TGFBR2: variants seen among roughly 807,000 people sequenced by gnomAD.
The protein encoded by TGFBR2 is transforming growth factor beta receptor 2.
TGFBR2 carries 18 observed loss-of-function variants against 49.0 expected under a neutral mutation model. The ratio of observed to expected loss-of-function variants is 0.37; its 90% CI spans 0.25 to 0.54. TGFBR2 has a LOEUF of 0.54. TGFBR2 is among the 20% of genes least tolerant of loss of function. The pLI is 0.85. For missense variants in TGFBR2, 525 were observed against 722.6 expected, an observed-to-expected ratio of 0.73 and a Z score of 3.13; for synonymous variants, 282 against 275.9, an observed-to-expected ratio of 1.02 and a Z score of -0.22.
chr3:30,682,463 G>T (rs1276149531), intron 5 of TGFBR2, among the ~76,000 whole-genome samples: 2 of 152,116 alleles, frequency 1.3e-5, no homozygotes, highest in African/African-American at 4.8e-5. Flanking sequence ...TTATAGGTTA[G>T]CCAGGTGTAA....
At chr3:30,628,094 A>C (rs1272981130) in intron 1 of TGFBR2, among the ~76,000 whole-genome samples, 1 of 144,422 alleles carries the variant, frequency 6.9e-6, no homozygotes, top group Admixed American at 7.1e-5. Context: ...ACTTTATTGT[A>C]GGAGGATGCA....
At chr3:30,629,682 A>G (rs1698400332) in intron 1 of TGFBR2, among the ~76,000 whole-genome samples, 1 of 152,218 alleles carries the variant, frequency 6.6e-6, no homozygotes, top group African/African-American at 2.4e-5. Flanking sequence ...TTTATAGAGT[A>G]CCAACCACCG....
At chr3:30,636,155 ATG>A (rs61296907) in intron 1 of TGFBR2, among the ~76,000 whole-genome samples, 18,092 of 134,406 alleles carry the variant, frequency 0.13, 1,057 homozygotes, top group Middle Eastern at 0.15. Flanking sequence ...ATATATATGT[ATG>A]TGTGTGTGTG....
chr3:30,677,883 C>T (rs1000081419), intron 5 of TGFBR2, among the ~76,000 whole-genome samples: 2 of 152,138 alleles, frequency 1.3e-5, no homozygotes, highest in African/African-American at 4.8e-5. Context: ...TGTTTCTTAT[C>T]TTACAAATTA....
chr3:30,607,185 A>G (rs117053869), intron 1 of TGFBR2, among the ~76,000 whole-genome samples: 1,840 of 152,278 alleles, frequency 0.012, 24 homozygotes, highest in South Asian at 0.051. Flanking sequence ...TTCAGTTGCA[A>G]GGGGCGCGGG....
Position 30,688,432 on chromosome 3 carries a change from C to G in TGFBR2, c.1445C>G (p.Pro482Arg), listed in dbSNP as rs2125451808. Reference protein sequence around the residue: ...PPFGSKVREHPCVESMKDNVL... With the variant: ...PPFGSKVREHRCVESMKDNVL... ...TTTGGTTCCAAGGTGCGGGAGCACC[C>G]CTGTGTCGAAAGCATGAAGGACAAC... The change falls in exon 6 of 7, where the codon CCC becomes CGC. Residue 482 changes from proline to arginine, a missense_variant. Physicochemically the swap from Pro to Arg is moderately radical, Grantham distance 103. This residue lies in a region of TGFBR2 where 104 missense variants were observed against 133.4 expected (regional missense o/e 0.78). Transcript: ENST00000295754. 1 of 1,614,194 alleles carries G rather than the reference C, an allele frequency of 6.2e-7. No homozygotes were observed.
Position 30,639,441 on chromosome 3 carries a change from C to T in TGFBR2, c.95-5306C>T, listed in dbSNP as rs149814720. On this transcript the variant is annotated intron_variant, in intron 1 of 6. Coordinates refer to ENST00000295754, the MANE Select transcript of TGFBR2 (RefSeq NM_003242.6). ...GCTGAGGTTTCTGAGAGAAAAAATA[C>T]TGCCTCAAAACTGCAGCATTGATTT... Among the ~76,000 whole-genome samples, 792 of 152,360 alleles carry T rather than the reference C, an allele frequency of 5.2e-3. 11 individuals carry two copies. Among genetic ancestry groups the T allele is most frequent in the African/African-American group, 0.018 (750 of 41,590 alleles).
At chr3:30,670,286 T>C (rs555910544) in intron 3 of TGFBR2, among the ~76,000 whole-genome samples, 1 of 152,312 alleles carries the variant, frequency 6.6e-6, no homozygotes, top group South Asian at 2.1e-4. Flanking sequence ...TCCACTAATA[T>C]ATAGATTACA....
At chr3:30,621,809 T>G (rs1698236600) in intron 1 of TGFBR2, among the ~76,000 whole-genome samples, 1 of 152,212 alleles carries the variant, frequency 6.6e-6, no homozygotes. Context: ...GAGTATTGGT[T>G]GTTATCAGTT....
intron 2 of TGFBR2, among the ~76,000 whole-genome samples, 192 bp from the exon 3 acceptor site, chr3:30,650,078 G>T (rs1478209957): frequency 6.6e-6 from 1 of 152,112 alleles, no homozygotes; most frequent in Non-Finnish European, 1.5e-5. Flanking sequence ...AAACAGAAAA[G>T]AGTAGAAAAG....
At chr3:30,684,265 A>G (rs1033649269) in intron 5 of TGFBR2, among the ~76,000 whole-genome samples, 13 of 147,296 alleles carry the variant, frequency 8.8e-5, no homozygotes, top group African/African-American at 2.8e-4. Flanking sequence ...AGGGCATGAG[A>G]AAAAAAAAAA....
chr3:30,656,250 T>C (rs943015439), intron 3 of TGFBR2, among the ~76,000 whole-genome samples: 1 of 152,246 alleles, frequency 6.6e-6, no homozygotes, highest in African/African-American at 2.4e-5. Flanking sequence ...GACAATAGTT[T>C]ATTTTTTAAA....
At chr3:30,665,899 A>C (rs947390777) in intron 3 of TGFBR2, among the ~76,000 whole-genome samples, 1 of 152,216 alleles carries the variant, frequency 6.6e-6, no homozygotes, top group Non-Finnish European at 1.5e-5. Context: ...ACAATGACCA[A>C]ATATTTTAAA....
chr3:30,640,641 A>G (rs1161457357), intron 1 of TGFBR2, among the ~76,000 whole-genome samples: 1 of 145,626 alleles, frequency 6.9e-6, no homozygotes, highest in Non-Finnish European at 1.5e-5. Flanking sequence ...CAGTACAGCC[A>G]CAATCATCAA....
chr3:30,653,975 G>T (rs193130081), intron 3 of TGFBR2, among the ~76,000 whole-genome samples: 2 of 152,104 alleles, frequency 1.3e-5, no homozygotes, highest in Non-Finnish European at 2.9e-5. Flanking sequence ...ACAACTAGTG[G>T]GTATCAAAGC....
intron 3 of TGFBR2, 87 bp from the exon 4 acceptor site, chr3:30,671,551 T>A: frequency 7.4e-7 from 1 of 1,342,900 alleles, no homozygotes; most frequent in South Asian, 1.2e-5. Context: ...TGCTAAAATC[T>A]ATAGATGCTC....
At chr3:30,607,244 C>G (rs903322758) in intron 1 of TGFBR2, among the ~76,000 whole-genome samples, 2 of 152,226 alleles carry the variant, frequency 1.3e-5, no homozygotes, top group Non-Finnish European at 2.9e-5. Flanking sequence ...GTGTTGGCCG[C>G]GTTCGAGGCG....
At position 30,625,499 on chromosome 3, in the gene TGFBR2, C is replaced by G. The variant is rs138949992; in HGVS notation, c.94+18522C>G. ...TTAGAAATACAGCTTTCTCAGGAAA[C>G]TTGGTCCTCAGATCTTTCAGACATT... is the stretch of plus-strand genomic sequence containing the variant. On this transcript the variant is annotated intron_variant, in intron 1 of 6. Coordinates refer to ENST00000295754, the MANE Select transcript of TGFBR2 (RefSeq NM_003242.6). Among the ~76,000 whole-genome samples the G allele has an allele frequency of 3.4e-3, 511 of 152,330 alleles. 2 individuals carry two copies. Among genetic ancestry groups the G allele is most frequent in the African/African-American group, 0.011 (463 of 41,568 alleles).
chr3:30,635,804 C>T (rs1698516887), intron 1 of TGFBR2, among the ~76,000 whole-genome samples: 1 of 152,086 alleles, frequency 6.6e-6, no homozygotes, highest in South Asian at 2.1e-4. Context: ...AATTCATGAG[C>T]CAAAATGCTA....
Sources: gnomAD v4.1 joint callset for allele counts (sites outside exome capture counted in the v4.1 genomes callset) on GRCh38, gnomAD v4.1.1 for gene constraint, gnomAD v4.1.1 regional missense constraint, MANE v1.5 for transcripts, NCBI Gene and HGNC (gene_info 2026-07-23, HGNC 2026-07-21) for gene names.